The following XRCC5 variants were observed in gnomAD, a reference collection of about 807,000 sequenced individuals.
XRCC5 encodes DNA repair protein Ku80.
In XRCC5, 12 loss-of-function variants were observed where a neutral mutation model predicts 95.7. The observed-to-expected ratio is 0.13, with a 90% CI of 0.08 to 0.20. The LOEUF (loss-of-function observed/expected upper bound fraction) is 0.20, where lower values mean the gene tolerates loss of function less well. XRCC5 is among the 10% of genes least tolerant of loss of function. The pLI, the probability that XRCC5 is intolerant of heterozygous loss-of-function variation, is 1.00. For synonymous variants in XRCC5, 281 were observed against 290.3 expected, an observed-to-expected ratio of 0.97 and a Z score of 0.33; for missense variants, 595 against 873.9, an observed-to-expected ratio of 0.68 and a Z score of 4.02.
At chr2:216,203,018 C>T (rs1217240085) in intron 19 of XRCC5, among the ~76,000 whole-genome samples, 1 of 152,172 alleles carries the variant, frequency 6.6e-6, no homozygotes, top group Admixed American at 6.5e-5. Flanking sequence ...TCTTAGGTTT[C>T]AGAGGTCATG....
At chr2:216,197,394 G>A (rs963834397) in intron 19 of XRCC5, among the ~76,000 whole-genome samples, 2 of 145,694 alleles carry the variant, frequency 1.4e-5, no homozygotes, top group African/African-American at 2.5e-5. Context: ...GGGGTGAGCC[G>A]AGATCGCGCC....
intron 16 of XRCC5, among the ~76,000 whole-genome samples, chr2:216,164,483 C>T (rs1415111229): frequency 6.6e-6 from 1 of 152,250 alleles, no homozygotes; most frequent in Non-Finnish European, 1.5e-5. Context: ...AGAGCTTTAA[C>T]AGCTTTTGCC....
intron 16 of XRCC5, among the ~76,000 whole-genome samples, chr2:216,174,214 T>C (rs41302446): frequency 0.012 from 1,840 of 152,296 alleles, 49 homozygotes; most frequent in African/African-American, 0.042. Context: ...TTAATGCTCT[T>C]AAATTCAAAA....
intron 20 of XRCC5, among the ~76,000 whole-genome samples, chr2:216,204,825 C>A (rs1366200154): frequency 6.6e-6 from 1 of 152,060 alleles, no homozygotes; most frequent in African/African-American, 2.4e-5. Flanking sequence ...CAAAATAGAC[C>A]GATAGGCATT....
At chr2:216,166,205 C>T (rs569908625) in intron 16 of XRCC5, among the ~76,000 whole-genome samples, 1 of 152,270 alleles carries the variant, frequency 6.6e-6, no homozygotes, top group African/African-American at 2.4e-5. Context: ...ACTGCAGCCT[C>T]TACCTCCTGG....
At chr2:216,173,536 A>G (rs907624928) in intron 16 of XRCC5, among the ~76,000 whole-genome samples, 6 of 152,216 alleles carry the variant, frequency 3.9e-5, no homozygotes, top group African/African-American at 1.4e-4. Flanking sequence ...TCAACCTTGC[A>G]TTCCAAGTAT....
chr2:216,112,955 A>G (rs1277189129), intron 1 of XRCC5, 61 bp from the exon 2 acceptor site: 2 of 1,319,174 alleles, frequency 1.5e-6, no homozygotes, highest in East Asian at 2.3e-5. Context: ...AGCAAGGGAC[A>G]TTCTTACAGT....
At chr2:216,190,994 C>T (rs1046858090) in intron 17 of XRCC5, among the ~76,000 whole-genome samples, 2 of 151,962 alleles carry the variant, frequency 1.3e-5, no homozygotes, top group Admixed American at 6.6e-5. Context: ...ACTTGGCGAA[C>T]GTATGAATGA....
At chr2:216,123,857 TTTTG>T (rs1446792149) in intron 6 of XRCC5, among the ~76,000 whole-genome samples, 2 of 152,122 alleles carry the variant, frequency 1.3e-5, no homozygotes, top group Admixed American at 6.5e-5. Flanking sequence ...TAAAAAGTGT[TTTTG>T]TTTGTTTTTT....
chr2:216,189,853 G>A (rs890862931), intron 16 of XRCC5, among the ~76,000 whole-genome samples: 2 of 152,130 alleles, frequency 1.3e-5, no homozygotes, highest in Admixed American at 1.3e-4. Flanking sequence ...GAATACAATA[G>A]GAAAGGCAGT....
intron 2 of XRCC5, among the ~76,000 whole-genome samples, chr2:216,113,569 A>G (rs1696632867): frequency 6.6e-6 from 1 of 152,170 alleles, no homozygotes; most frequent in Admixed American, 6.5e-5. Flanking sequence ...TTCATCATTC[A>G]TGGTTCTGTG....
intron 14 of XRCC5, among the ~76,000 whole-genome samples, chr2:216,150,271 G>GT (rs559226466): frequency 4.5e-4 from 68 of 152,080 alleles, no homozygotes; most frequent in Non-Finnish European, 7.6e-4. Context: ...AATCATTCCA[G>GT]TTTTTTCACT....
At chr2:216,113,799 T>C (rs1364725) in intron 2 of XRCC5, among the ~76,000 whole-genome samples, 73,139 of 151,830 alleles carry the variant, frequency 0.48, 18,029 homozygotes, top group South Asian at 0.53. Flanking sequence ...AGTTTCAATT[T>C]TCACATGAAG....
At chr2:216,193,235 G>A (rs577892404) in intron 18 of XRCC5, among the ~76,000 whole-genome samples, 1 of 152,220 alleles carries the variant, frequency 6.6e-6, no homozygotes, top group African/African-American at 2.4e-5. Flanking sequence ...AGCAACCAAT[G>A]CAAGTTAAAC....
At chr2:216,174,034 A>T (rs1216295130) in intron 16 of XRCC5, among the ~76,000 whole-genome samples, 1 of 152,188 alleles carries the variant, frequency 6.6e-6, no homozygotes, top group Non-Finnish European at 1.5e-5. Flanking sequence ...TAACAGGAAA[A>T]TACTGGACTC....
chr2:216,125,938 C>T lies in XRCC5; in HGVS notation c.705C>T (p.Cys235=), dbSNP rs773084477. ...TAAGTGAGAGTCTGAGAAAACTGTG[C>T]GTCTTCAAGAAAATTGAGAGGCATT... is the stretch of plus-strand genomic sequence containing the variant. ...YSFSESLRKL[C]VFKKIERHSI... is the part of the protein sequence containing the mutation. The change falls in exon 7 of 21, where the codon TGC becomes TGT. Residue 235 remains cysteine, a synonymous_variant. Coordinates refer to ENST00000392132, the MANE Select transcript of XRCC5 (RefSeq NM_021141.4). 25 of 1,613,152 alleles carry T rather than the reference C, an allele frequency of 1.5e-5. No individual in the cohort carries two copies. The highest frequency in any genetic ancestry group is 3.3e-5 in the South Asian group (3 of 91,050).
intron 16 of XRCC5, among the ~76,000 whole-genome samples, chr2:216,184,057 T>TGTGTGTGTGTGC (rs1689444687): frequency 1.3e-5 from 2 of 149,926 alleles, no homozygotes; most frequent in African/African-American, 4.9e-5. Flanking sequence ...TGTGTGTGTG[T>TGTGTGTGTGTGC]GTGTGTGTGT....
At chr2:216,192,767 G>A in intron 18 of XRCC5, 32 bp downstream of exon 18, 1 of 1,421,910 alleles carries the variant, frequency 7.0e-7, no homozygotes, top group Non-Finnish European at 9.5e-7. Context: ...TTTTTAAAAA[G>A]TATTTTTAAA....
chr2:216,202,888 G>A (rs1276911023), intron 19 of XRCC5, among the ~76,000 whole-genome samples: 3 of 152,202 alleles, frequency 2.0e-5, no homozygotes, highest in Non-Finnish European at 4.4e-5. Flanking sequence ...TTTTGTATAT[G>A]AGGACTAGAA....
Sources: allele counts gnomAD v4.1 joint callset (sites outside exome capture counted in the v4.1 genomes callset), GRCh38; gene constraint gnomAD v4.1.1; transcripts MANE v1.5; gene names NCBI Gene and HGNC (gene_info 2026-07-23, HGNC 2026-07-21).